OR6C1: variants seen among roughly 807,000 people sequenced by gnomAD.
The protein encoded by OR6C1 is olfactory receptor 6C1.
For missense variants in OR6C1, 386 were observed against 366.1 expected (o/e 1.05, Z -0.44); for synonymous variants, 157 against 133.3 (o/e 1.18, Z -1.22).
chr12:55,320,823 G>A lies in OR6C1; in HGVS notation c.224G>A (p.Ser75Asn), dbSNP rs371348223. Residue 75 changes from serine to asparagine, a missense_variant, in exon 2 of 2, where the codon AGT (serine) becomes AAT (asparagine). Coordinates refer to ENST00000642104, the MANE Select transcript of OR6C1 (RefSeq NM_001005182.2). ...TTAGAAATTTCGTTCACAACCGTCA[G>A]TATACCCAAGTTTCTGGGTAACATT... ...SILEISFTTV[S>N]IPKFLGNIIS... 9.9e-6 allele frequency: 16 copies of A among 1,613,242 alleles called. No individual in the cohort carries two copies. Among genetic ancestry groups the A allele is most frequent in the Non-Finnish European group, 1.4e-5 (16 of 1,179,468 alleles).
At chr12:55,319,749 C>A (rs752088756) in intron 1 of OR6C1, among the ~76,000 whole-genome samples, 13 of 152,172 alleles carry the variant, frequency 8.5e-5, no homozygotes, top group Non-Finnish European at 1.6e-4. Context: ...CTTTTTCCCA[C>A]CTGGCATCTT....
In OR6C1 at chr12:55,320,855, G is replaced by A; in HGVS notation, c.256G>A (p.Gly86Arg). The change falls in exon 2 of 2, where the codon GGA becomes AGA. Residue 86 changes from glycine (G) to arginine (R), a missense_variant. Physicochemically the swap from Gly to Arg is moderately radical, Grantham distance 125. Coordinates refer to ENST00000642104, the MANE Select transcript of OR6C1 (RefSeq NM_001005182.2). ...IPKFLGNIIS[G>R]DKTISFNNCI... ...CAAGTTTCTGGGTAACATTATTTCA[G>A]GAGATAAAACCATTTCCTTTAATAA... 6.2e-7 allele frequency: 1 copy of A among 1,613,652 alleles called. No homozygotes were observed. Among genetic ancestry groups the A allele is most frequent in the Non-Finnish European group, 8.5e-7 (1 of 1,179,754 alleles).
Position 55,321,297 on chromosome 12 carries a change from C to G in OR6C1, c.698C>G (p.Thr233Arg). ...ILRIPSTSQR[T>R]KAFSTCSSHM... ...AGAATTCCTTCTACTAGTCAGAGGA[C>G]AAAGGCCTTTTCCACATGTTCTTCC... is the stretch of plus-strand genomic sequence containing the variant. Residue 233 changes from threonine (T) to arginine (R), a missense_variant, in exon 2 of 2, where the codon ACA becomes AGA. Coordinates refer to ENST00000642104, the MANE Select transcript of OR6C1 (RefSeq NM_001005182.2). 1 of 1,613,248 alleles carries G rather than the reference C, an allele frequency of 6.2e-7. No individual in the cohort carries two copies. The highest frequency in any genetic ancestry group is 8.5e-7 in the Non-Finnish European group (1 of 1,179,258).
Position 55,321,413 on chromosome 12 carries a change from G to GAGCAAT in OR6C1, c.814_815insAGCAAT (p.Val272delinsGluGlnLeu). 3.1e-6 allele frequency: 5 copies of GAGCAAT among 1,613,804 alleles called. No individual in the cohort carries two copies. The highest frequency in any genetic ancestry group is 4.2e-6 in the Non-Finnish European group (5 of 1,179,772). The stretch of plus-strand genomic sequence containing the variant: ...AGATAGAGTGTCCTTGAGCAAGGGA[G>GAGCAAT]TGGCAATACTAAACACCTCAGTAGC... On this transcript the variant is annotated protein_altering_variant, in exon 2 of 2. Transcript: ENST00000642104.
chr12:55,321,026 G>A lies in OR6C1; in HGVS notation c.427G>A (p.Val143Ile), dbSNP rs771691627. The change falls in exon 2 of 2, where the codon GTT becomes ATT. Residue 143 changes from valine to isoleucine, a missense_variant. Transcript: ENST00000642104. ...GAATCGAAGAGTCTGCACACTGCTT[G>A]TTTTTACTTCTTGGCTGGTTTCATT... ...IMNRRVCTLLVFTSWLVSFLI... is the reference protein window; with the variant it reads ...IMNRRVCTLLIFTSWLVSFLI... The A allele has an allele frequency of 1.2e-6, 2 of 1,613,712 alleles. No individual in the cohort carries two copies. The highest frequency in any genetic ancestry group is 2.2e-5 in the East Asian group (1 of 44,814).
rs758130856 is a variant in OR6C1 at position 55,321,288 on chromosome 12, G to A, written c.689G>A (p.Ser230Asn). The A allele has an allele frequency of 1.2e-6, 2 of 1,613,420 alleles. No homozygotes were observed. The highest frequency in any genetic ancestry group is 2.7e-5 in the African/African-American group (2 of 75,024). ...ACAATTTTGAGAATTCCTTCTACTA[G>A]TCAGAGGACAAAGGCCTTTTCCACA... ...IRTILRIPST[S>N]QRTKAFSTCS... Residue 230 changes from serine to asparagine, a missense_variant, in exon 2 of 2, where the codon AGT becomes AAT. Transcript: ENST00000642104.
intron 1 of OR6C1, among the ~76,000 whole-genome samples, chr12:55,319,639 C>T (rs1433701542): frequency 6.6e-6 from 1 of 152,184 alleles, no homozygotes; most frequent in African/African-American, 2.4e-5. Flanking sequence ...GTGATTTCAG[C>T]AGCTATTAGA....
chr12:55,314,370 C>T lies in OR6C1; in HGVS notation c.-263C>T, dbSNP rs577560699. 11 of 151,314 alleles carry T rather than the reference C, an allele frequency of 7.3e-5. No homozygotes were observed. The South Asian group carries it at 2.3e-3, about 31-fold the overall frequency. The allele number at this position is 151,314 out of a possible 1,614,324, so 9.4% of individuals were successfully genotyped here. ...GTTCTAAAACACTTTCAGATACTTT[C>T]CCTATTTTATATTTTTGCTCCTTTC... On this transcript the variant is annotated 5_prime_UTR_variant, in exon 1 of 2. Coordinates refer to ENST00000642104, the MANE Select transcript of OR6C1 (RefSeq NM_001005182.2).
In OR6C1 at chr12:55,320,677, T is replaced by C. The variant is rs1445019396; in HGVS notation, c.78T>C (p.Phe26=). Residue 26 remains phenylalanine, a synonymous_variant, in exon 2 of 2, where the codon TTT becomes TTC. Coordinates refer to ENST00000642104, the MANE Select transcript of OR6C1 (RefSeq NM_001005182.2). ...ACCCAAATTTTCAGGTTGTAATCTTTGTCTTCCTGCTCATCACCTACATGC... is the reference window on the plus strand; with the variant it reads ...ACCCAAATTTTCAGGTTGTAATCTTCGTCTTCCTGCTCATCACCTACATGC... The part of the protein sequence containing the change: ...TDDPNFQVVI[F]VFLLITYMLS... The C allele has an allele frequency of 6.2e-7, 1 of 1,613,914 alleles. No homozygotes were observed. The highest frequency in any genetic ancestry group is 1.1e-5 in the South Asian group (1 of 91,068).
intron 1 of OR6C1, among the ~76,000 whole-genome samples, chr12:55,315,574 C>A (rs1028078549): frequency 6.6e-6 from 1 of 151,598 alleles, no homozygotes; most frequent in Non-Finnish European, 1.5e-5. Context: ...ATTAAACCTG[C>A]CCATCATTAT....
At position 55,314,611 on chromosome 12, in the gene OR6C1, C is replaced by A. The variant is rs1868382206; in HGVS notation, c.-34+12C>A. 6.6e-6 allele frequency: 1 copy of A among 151,480 alleles called. No individual in the cohort carries two copies. Among genetic ancestry groups the A allele is most frequent in the African/African-American group, 2.4e-5 (1 of 41,350 alleles). 9.4% of individuals were successfully genotyped at this position (151,480 alleles called of 1,614,324 possible). ...TATGAAAATCAGAGGTAAGTAAAAC[C>A]TGTGGAAGGCAATGGAAGTCTCTCA... On this transcript the variant is annotated intron_variant, in intron 1 of 1. Coordinates refer to ENST00000642104, the MANE Select transcript of OR6C1 (RefSeq NM_001005182.2).
At chr12:55,320,247 G>A (rs1592262625) in intron 1 of OR6C1, among the ~76,000 whole-genome samples, 1 of 152,124 alleles carries the variant, frequency 6.6e-6, no homozygotes, top group African/African-American at 2.4e-5. Context: ...GAATACGAAG[G>A]TGGTTCTGAT....
In OR6C1 at chr12:55,321,518, G is replaced by A. The variant is rs1171406810; in HGVS notation, c.919G>A (p.Val307Ile). ...QAFINMARKT[V>I]FFTST ...TTTCATTAACATGGCAAGGAAGACT[G>A]TATTTTTCACAAGCACATGAAATGG... The change falls in exon 2 of 2, where the codon GTA (valine) becomes ATA (isoleucine). Residue 307 changes from valine to isoleucine, a missense_variant. Val to Ile is a conservative substitution (Grantham distance 29). Transcript: ENST00000642104. 4 of 1,610,676 alleles carry A rather than the reference G, an allele frequency of 2.5e-6. No individual in the cohort carries two copies. In the South Asian group the frequency reaches 3.3e-5, roughly 13 times the overall value.
intron 1 of OR6C1, among the ~76,000 whole-genome samples, chr12:55,318,959 T>C (rs946341848): frequency 3.3e-5 from 5 of 152,062 alleles, no homozygotes; most frequent in African/African-American, 1.2e-4. Context: ...TAAAAATTGC[T>C]ATTTCAAAGT....
chr12:55,320,520 G>C (rs1868512421), intron 1 of OR6C1, 47 bp from the exon 2 acceptor site: 2 of 836,022 alleles, frequency 2.4e-6, no homozygotes, highest in Admixed American at 4.9e-5. Flanking sequence ...TTGGATATTT[G>C]TTAATTGATA....
At chr12:55,317,549 CAGCATAAAAT>C (rs1868430608) in intron 1 of OR6C1, among the ~76,000 whole-genome samples, 1 of 151,894 alleles carries the variant, frequency 6.6e-6, no homozygotes, top group African/African-American at 2.4e-5. Context: ...GCTAGAATAT[CAGCATAAAAT>C]AGCAAACTGC....
chr12:55,314,956 C>T (rs1385341862), intron 1 of OR6C1, among the ~76,000 whole-genome samples: 2 of 151,470 alleles, frequency 1.3e-5, no homozygotes, highest in Admixed American at 1.3e-4. Context: ...AGGATAAAAT[C>T]TTCAGTTATG....
intron 1 of OR6C1, 72 bp from the exon 2 acceptor site, chr12:55,320,495 A>G: frequency 1.4e-6 from 1 of 690,292 alleles, no homozygotes; most frequent in South Asian, 1.9e-5. Flanking sequence ...TGTCAACCAA[A>G]CTCCAGCTCC....
In OR6C1 at chr12:55,321,009, G is replaced by A; in HGVS notation, c.410G>A (p.Arg137Lys). Residue 137 changes from arginine to lysine, a missense_variant, in exon 2 of 2, where the codon AGA becomes AAA. Arg to Lys is a conservative substitution (Grantham distance 26). Coordinates refer to ENST00000642104, the MANE Select transcript of OR6C1 (RefSeq NM_001005182.2). ...CATTGCTTGAGTATCATGAATCGAA[G>A]AGTCTGCACACTGCTTGTTTTTACT... ...PLHCLSIMNR[R>K]VCTLLVFTSW... The A allele has an allele frequency of 6.2e-7, 1 of 1,613,834 alleles. No individual in the cohort carries two copies. The highest frequency in any genetic ancestry group is 2.2e-5 in the East Asian group (1 of 44,820).
Sources: allele counts gnomAD v4.1 joint callset (sites outside exome capture counted in the v4.1 genomes callset), GRCh38; gene constraint gnomAD v4.1.1; transcripts MANE v1.5; gene names NCBI Gene and HGNC (gene_info 2026-07-23, HGNC 2026-07-21).